RIF1: variants seen among roughly 807,000 people sequenced by gnomAD.
RIF1 encodes the protein telomere-associated protein RIF1.
A neutral mutation model predicts 247.1 loss-of-function variants in RIF1; 45 were observed. That is an observed-to-expected ratio of 0.18 (90% CI 0.14 to 0.23). The LOEUF is 0.23. RIF1 is among the 10% of genes least tolerant of loss of function. The probability of loss-of-function intolerance (pLI) is 1.00; values close to 1 mark genes in which losing one functional copy is unlikely to be tolerated. For missense variants in RIF1, 2,967 were observed against 2,862.5 expected, an observed-to-expected ratio of 1.04 and a Z score of -0.83; for synonymous variants, 1,087 against 978.8, an observed-to-expected ratio of 1.11 and a Z score of -2.06.
chr2:151,452,420 T>C (rs1406310308), intron 21 of RIF1, among the ~76,000 whole-genome samples: 2 of 152,250 alleles, frequency 1.3e-5, no homozygotes, highest in African/African-American at 4.8e-5. Context: ...TGTTGAGATA[T>C]ATTATTCTTG....
chr2:151,462,396 C>T lies in RIF1; in HGVS notation c.3309-16C>T, dbSNP rs1478797534. ...AATAATTATAAAAATAATATTCTTA[C>T]TAATATTTATTTCAGGGAAATTCCT... On this transcript the variant is annotated splice_polypyrimidine_tract_variant and intron_variant, in intron 28 of 35. Transcript: ENST00000444746. 2.0e-6 allele frequency: 3 copies of T among 1,477,912 alleles called. No homozygotes were observed. The highest frequency in any genetic ancestry group is 2.3e-5 in the East Asian group (1 of 43,108). 91.5% of individuals were successfully genotyped at this position (1,477,912 alleles called of 1,614,324 possible). A position where few individuals can be genotyped will look rare whatever the true frequency, so the allele number is the denominator to read the frequency against.
chr2:151,524,120 A>C, the RIF1 span, among the ~76,000 whole-genome samples: 1 of 152,222 alleles, frequency 6.6e-6, no homozygotes, highest in Non-Finnish European at 1.5e-5. Flanking sequence ...AGTGGAGAAC[A>C]AGAAAGGTCT....
intron 10 of RIF1, among the ~76,000 whole-genome samples, chr2:151,434,463 T>C (rs1283800667): frequency 4.0e-5 from 5 of 125,828 alleles, no homozygotes. Flanking sequence ...TTTTTTGAGA[T>C]GGAGTCTCGC....
At chr2:151,532,959 G>A in the RIF1 span, among the ~76,000 whole-genome samples, 2 of 152,092 alleles carry the variant, frequency 1.3e-5, no homozygotes, top group Non-Finnish European at 2.9e-5. Flanking sequence ...TAGCAATTCA[G>A]CATCAAAGTC....
At chr2:151,506,085 G>T in intron 12 of RIF1, 1 of 1,199,638 alleles carries the variant, frequency 8.3e-7, no homozygotes, top group Non-Finnish European at 1.2e-6. Flanking sequence ...GGTGACAGAG[G>T]CTTTGAGTGC....
chr2:151,523,647 G>A, the RIF1 span, among the ~76,000 whole-genome samples: 2 of 152,166 alleles, frequency 1.3e-5, no homozygotes, highest in African/African-American at 4.8e-5. Context: ...TTAGATAATT[G>A]GCCTAACAAG....
At chr2:151,498,153 AT>A in intron 10 of RIF1, 2 of 1,534,766 alleles carry the variant, frequency 1.3e-6, no homozygotes, top group Non-Finnish European at 1.8e-6. Flanking sequence ...TATAAGATGT[AT>A]TAGAAGCAAA....
At chr2:151,469,258 T>C (rs1390875386) in intron 33 of RIF1, among the ~76,000 whole-genome samples, 1 of 152,178 alleles carries the variant, frequency 6.6e-6, no homozygotes. Flanking sequence ...AAAAGAATTA[T>C]TTCAGGTAGT....
rs1166342490 is a variant in RIF1, at chr2:151,476,280, G to A, written c.*1209G>A. 1 of 152,116 alleles carries A rather than the reference G, an allele frequency of 6.6e-6. No individual in the cohort carries two copies. The highest frequency in any genetic ancestry group is 1.5e-5 in the Non-Finnish European group (1 of 67,996). The allele number at this position is 152,116 out of a possible 1,614,324, so 9.4% of individuals were successfully genotyped here. A position where few individuals can be genotyped will look rare whatever the true frequency, so the allele number is the denominator to read the frequency against. ...AACTTGGAAGAAATTTGAAACTGAT[G>A]TTTTTAATATATGTCTGTGTTGCCT... is the stretch of plus-strand genomic sequence containing the variant. On this transcript the variant is annotated 3_prime_UTR_variant, in exon 36 of 36. Coordinates refer to ENST00000444746, the MANE Select transcript of RIF1 (RefSeq NM_018151.5).
intron 7 of RIF1, among the ~76,000 whole-genome samples, chr2:151,422,303 A>G (rs1051241293): frequency 2.6e-5 from 4 of 152,122 alleles, no homozygotes; most frequent in Non-Finnish European, 5.9e-5. Context: ...AATGATATGC[A>G]TGCTGACATT....
Position 151,464,250 on chromosome 2 carries a change from A to G in RIF1, c.4730A>G (p.Asn1577Ser), listed in dbSNP as rs147553277. 1,110 of 1,613,974 alleles carry G rather than the reference A, an allele frequency of 6.9e-4. 2 individuals are homozygous for G. Among genetic ancestry groups the G allele is most frequent in the East Asian group, 1.0e-3 (46 of 44,872 alleles). ...TCTGGAAAATGGAAAAACAAAAGCA[A>G]TGAAAGTGTTGACATTCAAGATCAA... Reference protein sequence around the residue: ...KRSGKWKNKSNESVDIQDQEE... With the variant: ...KRSGKWKNKSSESVDIQDQEE... The change falls in exon 30 of 36, where the codon AAT (asparagine) becomes AGT (serine). Residue 1577 changes from asparagine to serine, a missense_variant. Physicochemically the swap from Asn to Ser is conservative, Grantham distance 46. This residue lies in a region of RIF1 where 2,028 missense variants were observed against 1,825.6 expected (regional missense o/e 1.11). Coordinates refer to ENST00000444746, the MANE Select transcript of RIF1 (RefSeq NM_018151.5).
rs1179485337 is a variant in RIF1, at chr2:151,433,144, A to G, written c.993A>G (p.Thr331=). ...CTTTGAGTTCCATCCATGTGAGAACAGAAACTCTAGCATTAACAAAACTAG... is the reference window on the plus strand; with the variant it reads ...CTTTGAGTTCCATCCATGTGAGAACGGAAACTCTAGCATTAACAAAACTAG... The part of the protein sequence containing the change: ...MQPLSSIHVR[T]ETLALTKLEV... The change falls in exon 10 of 36, where the codon ACA becomes ACG. Residue 331 remains threonine (T), a synonymous_variant. Coordinates refer to ENST00000444746, the MANE Select transcript of RIF1 (RefSeq NM_018151.5). 1.2e-6 allele frequency: 2 copies of G among 1,613,020 alleles called. No homozygotes were observed. The highest frequency in any genetic ancestry group is 2.2e-5 in the East Asian group (1 of 44,828).
At chr2:151,437,950 T>C (rs2152347980) in intron 13 of RIF1, among the ~76,000 whole-genome samples, 1 of 152,202 alleles carries the variant, frequency 6.6e-6, no homozygotes. Flanking sequence ...TATCAAATAA[T>C]GAGGAAAGGA....
At chr2:151,454,490 A>G (rs1367580949) in intron 21 of RIF1, among the ~76,000 whole-genome samples, 1 of 152,154 alleles carries the variant, frequency 6.6e-6, no homozygotes, top group Non-Finnish European at 1.5e-5. Context: ...CTTAGTGGAA[A>G]TTTTTTGTTT....
Position 151,474,963 on chromosome 2 carries a change from A to T in RIF1, c.7311A>T (p.Ser2437=), listed in dbSNP as rs1484493676. 1 of 1,612,652 alleles carries T rather than the reference A, an allele frequency of 6.2e-7. No individual in the cohort carries two copies. Among genetic ancestry groups the T allele is most frequent in the African/African-American group, 1.3e-5 (1 of 75,048 alleles). Residue 2437 remains serine, a synonymous_variant, in exon 36 of 36, where the codon TCA becomes TCT. Transcript: ENST00000444746. ...QLDSEDLHNY[S]GSQLFEMHEK... The stretch of plus-strand genomic sequence containing the variant: ...ATTCAGAAGATCTTCATAATTATTC[A>T]GGAAGCCAACTATTTGAAATGCACG...
chr2:151,503,239 A>G (rs766091796), intron 12 of RIF1: 36 of 796,212 alleles, frequency 4.5e-5, no homozygotes, highest in Non-Finnish European at 7.3e-5. Flanking sequence ...CACAACACAC[A>G]CAGACACACA....
At chr2:151,425,962 A>C (rs1255778642) in intron 8 of RIF1, among the ~76,000 whole-genome samples, 1 of 151,002 alleles carries the variant, frequency 6.6e-6, no homozygotes, top group Non-Finnish European at 1.5e-5. Context: ...TGCAGGCGTG[A>C]GCCACCGCGC....
At position 151,409,974 on chromosome 2, in the gene RIF1, C is replaced by G. The variant is rs1187625026; in HGVS notation, c.-70C>G. 7.1e-6 allele frequency: 5 copies of G among 702,080 alleles called. No homozygotes were observed. The highest frequency in any genetic ancestry group is 3.5e-5 in the African/African-American group (2 of 57,268). The allele number at this position is 702,080 out of a possible 1,614,324, so 43.5% of individuals were successfully genotyped here. A position where few individuals can be genotyped will look rare whatever the true frequency, so the allele number is the denominator to read the frequency against. The stretch of plus-strand genomic sequence containing the variant: ...CAGCCGGAGCTGGGAAAGTCGAGCT[C>G]TGGCAGCGTCTGGGTGCTGAGGGGC... On this transcript the variant is annotated 5_prime_UTR_variant, in exon 1 of 36. Coordinates refer to ENST00000444746, the MANE Select transcript of RIF1 (RefSeq NM_018151.5).
At chr2:151,495,376 A>T (rs1215231710) in intron 10 of RIF1, 4 of 152,182 alleles carry the variant, frequency 2.6e-5, no homozygotes, top group Admixed American at 2.6e-4. Context: ...CCCCCTCTAT[A>T]ACAGACCTAC....
Sources: allele counts gnomAD v4.1 joint callset (sites outside exome capture counted in the v4.1 genomes callset), GRCh38; gene constraint gnomAD v4.1.1; regional missense constraint gnomAD v4.1.1; transcripts MANE v1.5; gene names NCBI Gene and HGNC (gene_info 2026-07-23, HGNC 2026-07-21).